The following SLC22A23 variants were observed in gnomAD, a reference collection of about 807,000 sequenced individuals.
SLC22A23 encodes ion transporter protein.
A neutral mutation model predicts 61.0 loss-of-function variants in SLC22A23; 26 were observed. The ratio of observed to expected loss-of-function variants is 0.43; its 90% confidence interval spans 0.31 to 0.59. The LOEUF (loss-of-function observed/expected upper bound fraction) is 0.59. SLC22A23 is among the 20% of genes least tolerant of loss of function. The pLI is 0.11. For synonymous variants in SLC22A23, 430 were observed against 413.9 expected (o/e 1.04, Z -0.47); for missense variants, 796 against 934.7 (o/e 0.85, Z 1.94).
rs1770587559 is a variant in SLC22A23 at position 3,427,607 on chromosome 6, A to G, written c.655-11752T>C. Among the ~76,000 whole-genome samples the G allele has an allele frequency of 6.6e-6, 1 of 152,078 alleles. No individual in the cohort carries two copies. Among genetic ancestry groups the G allele is most frequent in the Non-Finnish European group, 1.5e-5 (1 of 68,020 alleles). On this transcript the variant is annotated intron_variant, in intron 1 of 9. Coordinates refer to ENST00000406686, the MANE Select transcript of SLC22A23 (RefSeq NM_015482.2). The surrounding 1 kb of genome is among the most constrained non-coding windows in gnomAD (Gnocchi z 4.3). Reference sequence around the variant, plus strand: ...CTCTACCGTGCTTTCAGGTCCTCCCACCACCTCTCAGGATGCCGTGCCCTT... The same window carrying G: ...CTCTACCGTGCTTTCAGGTCCTCCCGCCACCTCTCAGGATGCCGTGCCCTT...
chr6:3,407,389 C>G (rs1188528364), intron 3 of SLC22A23, among the ~76,000 whole-genome samples: 2 of 152,218 alleles, frequency 1.3e-5, no homozygotes, highest in Non-Finnish European at 2.9e-5. Context: ...CTTCTTGTCA[C>G]CAGCCTCTGC....
Position 3,292,485 on chromosome 6 carries a change from CTCTCCT to C in SLC22A23, c.1211-2625_1211-2620del, listed in dbSNP as rs780112895. ...CTGCTGCGAGCACCCAGCTCCCATG[CTCTCCT>C]CGAGACAGAGGAGGAGGAGGACACA... On this transcript the variant is annotated intron_variant, in intron 5 of 9. Transcript: ENST00000406686. Among the ~76,000 whole-genome samples, 997 of 152,334 alleles carry C rather than the reference CTCTCCT, an allele frequency of 6.5e-3. 3 individuals are homozygous for C. The highest frequency in any genetic ancestry group is 0.011 in the Non-Finnish European group (746 of 68,024).
intron 3 of SLC22A23, among the ~76,000 whole-genome samples, chr6:3,365,785 C>G (rs1367338848): frequency 1.3e-5 from 2 of 152,120 alleles, no homozygotes; most frequent in Non-Finnish European, 1.5e-5. Context: ...TCATCATGCC[C>G]TTAATGCATG....
intron 4 of SLC22A23, among the ~76,000 whole-genome samples, chr6:3,305,163 C>T (rs891116321): frequency 6.6e-5 from 10 of 152,146 alleles, no homozygotes; most frequent in Admixed American, 1.3e-4. Flanking sequence ...GATATAGTGG[C>T]GCTATAATTA....
intron 3 of SLC22A23, among the ~76,000 whole-genome samples, chr6:3,371,578 G>A (rs1443232796): frequency 6.6e-6 from 1 of 152,184 alleles, no homozygotes; most frequent in Non-Finnish European, 1.5e-5. Context: ...CTCTATGGGT[G>A]GAGGGGAATT....
intron 3 of SLC22A23, among the ~76,000 whole-genome samples, chr6:3,385,235 G>A (rs1216078322): frequency 2.2e-4 from 34 of 152,138 alleles, no homozygotes; most frequent in Admixed American, 2.2e-3. Context: ...AAGATGGGCT[G>A]GGCACGGTGG....
rs1203015973 is a variant in SLC22A23 at position 3,269,650 on chromosome 6, A to T, written c.*3405T>A. The T allele has an allele frequency of 3.5e-5, 2 of 57,438 alleles. No individual in the cohort carries two copies. Among genetic ancestry groups the T allele is most frequent in the Non-Finnish European group, 7.7e-5 (2 of 26,096 alleles). The allele number at this position is 57,438 out of a possible 1,614,324, so 3.6% of individuals were successfully genotyped here. A position where few individuals can be genotyped will look rare whatever the true frequency, so the allele number is the denominator to read the frequency against. On this transcript the variant is annotated 3_prime_UTR_variant, in exon 10 of 10. Coordinates refer to ENST00000406686, the MANE Select transcript of SLC22A23 (RefSeq NM_015482.2). The stretch of plus-strand genomic sequence containing the variant: ...ACAGAAACACAGTTTTTATATTACA[A>T]CCTCAAGGACAGGGAGGGAAGTGTT...
chr6:3,449,553 A>C (rs1238967676), intron 1 of SLC22A23, among the ~76,000 whole-genome samples: 1 of 152,234 alleles, frequency 6.6e-6, no homozygotes. Flanking sequence ...GGATGGCTCA[A>C]AAACTTTCAA....
chr6:3,359,794 A>G (rs576599355), intron 3 of SLC22A23, among the ~76,000 whole-genome samples: 1 of 152,356 alleles, frequency 6.6e-6, no homozygotes, highest in South Asian at 2.1e-4. Context: ...GGTGGGAGCA[A>G]CGCAGGTGTC....
chr6:3,297,972 G>A lies in SLC22A23; in HGVS notation c.1210+119C>T. ...CACATTGCCCTTGTGCAGGCCAAAA[G>A]GTCACAGGAGAATTGCACAGCTGGT... On this transcript the variant is annotated intron_variant, in intron 5 of 9. Coordinates refer to ENST00000406686, the MANE Select transcript of SLC22A23 (RefSeq NM_015482.2). The surrounding 1 kb of genome is among the most constrained non-coding windows in gnomAD (Gnocchi z 4.3). 8.0e-7 allele frequency: 1 copy of A among 1,255,988 alleles called. No individual in the cohort carries two copies. Among genetic ancestry groups the A allele is most frequent in the Non-Finnish European group, 1.1e-6 (1 of 950,554 alleles). 77.8% of individuals were successfully genotyped at this position (1,255,988 alleles called of 1,614,324 possible). A position where few individuals can be genotyped will look rare whatever the true frequency, so the allele number is the denominator to read the frequency against.
intron 3 of SLC22A23, among the ~76,000 whole-genome samples, chr6:3,367,697 TC>T (rs1765926696): frequency 6.6e-6 from 1 of 152,206 alleles, no homozygotes; most frequent in African/African-American, 2.4e-5. Flanking sequence ...TACAGTGAAT[TC>T]TAGGTGAGGT....
chr6:3,283,766 G>A (rs762539513), intron 9 of SLC22A23, 86 bp downstream of exon 9: 2 of 1,588,788 alleles, frequency 1.3e-6, no homozygotes, highest in African/African-American at 2.7e-5. Context: ...AGCTGACGCT[G>A]GTTAATCCCA....
chr6:3,305,061 T>C (rs1420571958), intron 4 of SLC22A23, among the ~76,000 whole-genome samples: 4 of 151,526 alleles, frequency 2.6e-5, no homozygotes, highest in Admixed American at 1.3e-4. Flanking sequence ...CACTGGGGGG[T>C]AGCACTGCTC....
At chr6:3,431,255 T>C (rs894380197) in intron 1 of SLC22A23, among the ~76,000 whole-genome samples, 5 of 152,164 alleles carry the variant, frequency 3.3e-5, no homozygotes, top group Non-Finnish European at 7.3e-5. Flanking sequence ...GAGTGGAATG[T>C]TAATCAGGAC....
At position 3,273,111 on chromosome 6, in the gene SLC22A23, C is replaced by A; in HGVS notation, c.2005G>T (p.Ala669Ser). The A allele has an allele frequency of 2.5e-6, 4 of 1,601,292 alleles. No individual in the cohort carries two copies. The South Asian group carries it at 4.4e-5, about 18-fold the overall frequency. ...CCCTCGGGCAGTGTGTCACCCGCGG[C>A]TGCGGCATCGTGGAGGCCCGAGTAG... ...KDYSGLHDAA[A>S]AGDTLPEGAT... The change falls in exon 10 of 10, where the codon GCC becomes TCC. Residue 669 changes from alanine to serine, a missense_variant. Ala to Ser is a moderately conservative substitution (Grantham distance 99). Coordinates refer to ENST00000406686, the MANE Select transcript of SLC22A23 (RefSeq NM_015482.2).
chr6:3,447,354 T>C (rs935279101), intron 1 of SLC22A23, among the ~76,000 whole-genome samples: 1 of 152,184 alleles, frequency 6.6e-6, no homozygotes, highest in African/African-American at 2.4e-5. Flanking sequence ...GGTTTTGTTG[T>C]TGTTGTTCTA....
At position 3,410,841 on chromosome 6, in the gene SLC22A23, A is replaced by G. The variant is rs1435358501; in HGVS notation, c.759-499T>C. 6.6e-6 allele frequency among the ~76,000 whole-genome samples: 1 copy of G among 152,172 alleles called. No individual in the cohort carries two copies. The highest frequency in any genetic ancestry group is 2.4e-5 in the African/African-American group (1 of 41,430). Reference sequence around the variant, plus strand: ...ATCCTACACACAGCCTATCCGAGCCAGGGCCAAGCCATCTGTCAATTTGTT... The same window carrying G: ...ATCCTACACACAGCCTATCCGAGCCGGGGCCAAGCCATCTGTCAATTTGTT... On this transcript the variant is annotated intron_variant, in intron 2 of 9. Transcript: ENST00000406686. This position sits in a 1 kb window ranked among gnomAD's most constrained non-coding sequence, Gnocchi z 5.0.
chr6:3,381,044 G>A (rs17136491), intron 3 of SLC22A23, among the ~76,000 whole-genome samples: 2,039 of 152,302 alleles, frequency 0.013, 48 homozygotes, highest in African/African-American at 0.041. Flanking sequence ...AACTGCTTCA[G>A]AGATGCCTCG....
At position 3,310,871 on chromosome 6, in the gene SLC22A23, A is replaced by G. The variant is rs898952637; in HGVS notation, c.1083-12653T>C. 3.9e-5 allele frequency among the ~76,000 whole-genome samples: 6 copies of G among 152,348 alleles called. No individual in the cohort carries two copies. In the East Asian group the frequency reaches 1.2e-3, roughly 29 times the overall value. On this transcript the variant is annotated intron_variant, in intron 4 of 9. Coordinates refer to ENST00000406686, the MANE Select transcript of SLC22A23 (RefSeq NM_015482.2). ...TACTGTACTAGCACATTTACTCATA[A>G]AGAAAATACAGGAAGGAAATAAGAT...
Sources: gnomAD v4.1 joint callset for allele counts (sites outside exome capture counted in the v4.1 genomes callset) on GRCh38, gnomAD v4.1.1 for gene constraint, Gnocchi (gnomAD v3.1) non-coding constraint, MANE v1.5 for transcripts, NCBI Gene and HGNC (gene_info 2026-07-23, HGNC 2026-07-21) for gene names.